Variants in MREG observed in about 807,000 individuals in gnomAD.
The protein encoded by MREG is melanoregulin.
MREG carries 31 observed loss-of-function variants against 28.5 expected under a neutral mutation model. That is an observed-to-expected ratio of 1.09 (90% CI 0.82 to 1.47). The LOEUF is 1.47. Among genes scored for constraint, MREG ranks in the 40% most tolerant of loss-of-function variants. The pLI is 0.00. For missense variants in MREG, 256 were observed against 257.4 expected, an observed-to-expected ratio of 0.99 and a Z score of 0.04; for synonymous variants, 106 against 95.2, an observed-to-expected ratio of 1.11 and a Z score of -0.66.
At chr2:215,979,385 C>T (rs1279492783) in intron 2 of MREG, among the ~76,000 whole-genome samples, 1 of 151,472 alleles carries the variant, frequency 6.6e-6, no homozygotes, top group African/African-American at 2.4e-5. Flanking sequence ...ATCACTTGAA[C>T]CCGGGAGGCG....
Position 215,994,977 on chromosome 2 carries a change from GAA to G in MREG, c.255+1327_255+1328del, listed in dbSNP as rs1316779993. The stretch of plus-strand genomic sequence containing the variant: ...AGGGGAGAAGAGGAAGAAAAGAGAA[GAA>G]ATGACTCTGTTCTCACCAGCAGAAA... On this transcript the variant is annotated intron_variant, in intron 2 of 4. Coordinates refer to ENST00000263268, the MANE Select transcript of MREG (RefSeq NM_018000.3). 2.6e-5 allele frequency among the ~76,000 whole-genome samples: 4 copies of G among 152,296 alleles called. No homozygotes were observed. In the East Asian group the frequency reaches 7.7e-4, roughly 29 times the overall value.
At position 215,974,852 on chromosome 2, in the gene MREG, A is replaced by ACTCT. The variant is rs749594804; in HGVS notation, c.255+21450_255+21453dup. Among the ~76,000 whole-genome samples the ACTCT allele has an allele frequency of 9.5e-4, 102 of 107,586 alleles. 1 individual carries two copies. The highest frequency in any genetic ancestry group is 6.3e-3 in the South Asian group (21 of 3,308). 70.6% of individuals were successfully genotyped at this position (107,586 alleles called of 152,430 possible). A position where few individuals can be genotyped will look rare whatever the true frequency, so the allele number is the denominator to read the frequency against. On this transcript the variant is annotated intron_variant, in intron 2 of 4. Coordinates refer to ENST00000263268, the MANE Select transcript of MREG (RefSeq NM_018000.3). ...CACACACACACACACACACACACAC[A>ACTCT]CTCTCTCTCTCTCTCTCTCTCTCCC...
At chr2:215,992,280 A>G (rs1312437878) in intron 2 of MREG, among the ~76,000 whole-genome samples, 1 of 152,232 alleles carries the variant, frequency 6.6e-6, no homozygotes, top group Non-Finnish European at 1.5e-5. Context: ...ACATAAACAG[A>G]ACCAATAACA....
intron 2 of MREG, among the ~76,000 whole-genome samples, chr2:215,948,902 C>T (rs893206032): frequency 1.3e-5 from 2 of 151,990 alleles, no homozygotes; most frequent in Admixed American, 6.6e-5. Context: ...CAGTGTAGCA[C>T]AATTAAGAAA....
intron 1 of MREG, among the ~76,000 whole-genome samples, chr2:216,031,691 G>GAAAGAAAGAAAGAAAGAA (rs1473248845): frequency 8.5e-4 from 52 of 61,140 alleles, no homozygotes; most frequent in African/African-American, 1.6e-3. Context: ...AAGAAAGAAA[G>GAAAGAAAGAAAGAAAGAA]AGAAAGAAAG....
intron 2 of MREG, among the ~76,000 whole-genome samples, chr2:215,950,209 T>TA: frequency 6.6e-6 from 1 of 152,248 alleles, no homozygotes; most frequent in Admixed American, 6.5e-5. Context: ...TTTAGCTCCT[T>TA]AGGCTGATGT....
intron 2 of MREG, among the ~76,000 whole-genome samples, chr2:215,957,481 T>G (rs1048990450): frequency 6.6e-6 from 1 of 152,060 alleles, no homozygotes; most frequent in Non-Finnish European, 1.5e-5. Flanking sequence ...CTCAAGGAGT[T>G]TGACGAAGGT....
In MREG at chr2:215,942,902, A is replaced by G. The variant is rs1692218960; in HGVS notation, c.*1961T>C. On this transcript the variant is annotated 3_prime_UTR_variant, in exon 5 of 5. Coordinates refer to ENST00000263268, the MANE Select transcript of MREG (RefSeq NM_018000.3). ...AATATCTGCAGGCTAATTTTACATA[A>G]CATGAGGCAAAGATTAAGCACTAAA... is the stretch of plus-strand genomic sequence containing the variant. The G allele has an allele frequency of 6.5e-6, 1 of 152,678 alleles. No individual in the cohort carries two copies. The highest frequency in any genetic ancestry group is 1.5e-5 in the Non-Finnish European group (1 of 68,080). The allele number at this position is 152,678 out of a possible 1,614,324, so 9.5% of individuals were successfully genotyped here. A position where few individuals can be genotyped will look rare whatever the true frequency, so the allele number is the denominator to read the frequency against.
chr2:216,017,230 T>G (rs1448920141), upstream of MREG, among the ~76,000 whole-genome samples: 1 of 152,358 alleles, frequency 6.6e-6, no homozygotes, highest in African/African-American at 2.4e-5. Context: ...TTTAATAATA[T>G]GTCTTGGAGA....
intron 1 of MREG, among the ~76,000 whole-genome samples, chr2:216,032,134 C>T (rs1467262908): frequency 6.6e-6 from 1 of 152,168 alleles, no homozygotes; most frequent in Non-Finnish European, 1.5e-5. Flanking sequence ...ACAGAAATGA[C>T]TCTTTTTCTT....
chr2:215,948,459 G>A (rs1374577772), intron 2 of MREG, among the ~76,000 whole-genome samples: 2 of 152,236 alleles, frequency 1.3e-5, no homozygotes, highest in African/African-American at 2.4e-5. Flanking sequence ...TGGGGTCAGG[G>A]ACAAAATCTG....
At chr2:215,941,541 T>G (rs6740786), downstream of MREG, 1 of 152,152 alleles carries the variant, frequency 6.6e-6, no homozygotes, top group Non-Finnish European at 1.5e-5. Context: ...GTTATCCAAG[T>G]AAATAACCAT....
At chr2:215,969,810 G>A (rs1012984850) in intron 2 of MREG, among the ~76,000 whole-genome samples, 2 of 152,070 alleles carry the variant, frequency 1.3e-5, no homozygotes, top group African/African-American at 4.8e-5. Context: ...GTCATGGAGG[G>A]GTGGGGGGCA....
intron 2 of MREG, among the ~76,000 whole-genome samples, chr2:215,959,607 T>A (rs1276048238): frequency 6.6e-6 from 1 of 152,230 alleles, no homozygotes; most frequent in Non-Finnish European, 1.5e-5. Context: ...AAACTTCAGT[T>A]GTTCCATACC....
At chr2:215,963,503 T>C (rs935785753) in intron 2 of MREG, among the ~76,000 whole-genome samples, 23 of 150,578 alleles carry the variant, frequency 1.5e-4, no homozygotes, top group Non-Finnish European at 2.8e-4. Flanking sequence ...ATGATAATTT[T>C]GTTATATAAC....
At chr2:215,946,642 G>T (rs1364820548) in intron 3 of MREG, among the ~76,000 whole-genome samples, 1 of 152,084 alleles carries the variant, frequency 6.6e-6, no homozygotes, top group African/African-American at 2.4e-5. Flanking sequence ...TGTCTGTCTT[G>T]CAAACAATAT....
At chr2:216,015,138 CGT>C (rs369209457), upstream of MREG, among the ~76,000 whole-genome samples, 3 of 148,504 alleles carry the variant, frequency 2.0e-5, no homozygotes, top group Non-Finnish European at 3.0e-5. Flanking sequence ...TGCGCGCGTG[CGT>C]CTGTGCGTGC....
chr2:215,992,074 C>T (rs1693734747), intron 2 of MREG, among the ~76,000 whole-genome samples: 1 of 152,180 alleles, frequency 6.6e-6, no homozygotes. Context: ...GATACCAAAA[C>T]CTGGCAGAGA....
At chr2:215,993,291 GA>G (rs1431430644) in intron 2 of MREG, among the ~76,000 whole-genome samples, 5 of 152,152 alleles carry the variant, frequency 3.3e-5, no homozygotes, top group African/African-American at 1.2e-4. Context: ...TCTGATCTTT[GA>G]CAAACTTGAC....
Sources: allele counts gnomAD v4.1 joint callset (sites outside exome capture counted in the v4.1 genomes callset), GRCh38; gene constraint gnomAD v4.1.1; transcripts MANE v1.5; gene names NCBI Gene and HGNC (gene_info 2026-07-23, HGNC 2026-07-21).